EIPR1: variants seen among roughly 807,000 people sequenced by gnomAD.
EIPR1 encodes EARP complex and GARP complex interacting protein 1.
EIPR1 carries 25 observed loss-of-function variants against 48.1 expected under a neutral mutation model. The ratio of observed to expected loss-of-function variants is 0.52; its 90% CI spans 0.38 to 0.73. The LOEUF (loss-of-function observed/expected upper bound fraction) is 0.73. Among genes scored for constraint, EIPR1 ranks in the 30% least tolerant of loss-of-function variants. The pLI, the probability that EIPR1 is intolerant of heterozygous loss-of-function variation, is 0.00. For missense variants in EIPR1, 415 were observed against 506.2 expected, an observed-to-expected ratio of 0.82 and a Z score of 1.73; for synonymous variants, 204 against 201.9, an observed-to-expected ratio of 1.01 and a Z score of -0.09.
chr2:3,194,039 C>A lies in EIPR1; in HGVS notation c.781G>T (p.Val261Phe). ...TCCAGGGTCTTCACGGGTTCGGTGA[C>A]ATTTCGGGTGTCCCAGAACTTCACC... ...CKVKFWDTRN[V>F]TEPVKTLEEH... Residue 261 changes from valine to phenylalanine, a missense_variant, in exon 7 of 9, where the codon GTC becomes TTC. Coordinates refer to ENST00000382125, the MANE Select transcript of EIPR1 (RefSeq NM_003310.5). 1 of 1,613,882 alleles carries A rather than the reference C, an allele frequency of 6.2e-7. No homozygotes were observed. The highest frequency in any genetic ancestry group is 8.5e-7 in the Non-Finnish European group (1 of 1,180,010).
At chr2:3,257,582 G>A in intron 3 of EIPR1, 127 bp from the exon 4 acceptor site, 2 of 1,184,990 alleles carry the variant, frequency 1.7e-6, no homozygotes, top group South Asian at 1.6e-5. Context: ...ATGTACGATT[G>A]CAGGCAGCAA....
At chr2:3,291,490 T>C (rs959997554) in intron 3 of EIPR1, among the ~76,000 whole-genome samples, 2 of 152,204 alleles carry the variant, frequency 1.3e-5, no homozygotes, top group Admixed American at 1.3e-4. Flanking sequence ...AGTTGTTAAA[T>C]ACATTATGAT....
rs530058658 is a variant in EIPR1 at position 3,316,454 on chromosome 2, G to A, written c.259+21563C>T. Among the ~76,000 whole-genome samples, 114 of 152,098 alleles carry A rather than the reference G, an allele frequency of 7.5e-4. 1 individual carries two copies. Among genetic ancestry groups the A allele is most frequent in the African/African-American group, 2.8e-3 (114 of 41,454 alleles). ...AATGCCTGAAATAGACCTTGATTAG[G>A]TACATTTAAGTCCCATACTTCTACA... On this transcript the variant is annotated intron_variant, in intron 3 of 8. Coordinates refer to ENST00000382125, the MANE Select transcript of EIPR1 (RefSeq NM_003310.5).
intron 1 of EIPR1, among the ~76,000 whole-genome samples, chr2:3,369,988 C>G (rs1017618638): frequency 2.6e-5 from 4 of 152,184 alleles, no homozygotes; most frequent in Non-Finnish European, 5.9e-5. Context: ...AGGCACCCCC[C>G]CCGTAGGGGC....
intron 3 of EIPR1, among the ~76,000 whole-genome samples, chr2:3,262,856 A>C (rs531162159): frequency 6.6e-6 from 1 of 152,314 alleles, no homozygotes; most frequent in East Asian, 1.9e-4. Context: ...CATACCCACC[A>C]CGGCACAGGG....
chr2:3,202,228 C>T (rs1049386374), intron 5 of EIPR1, among the ~76,000 whole-genome samples: 2 of 152,246 alleles, frequency 1.3e-5, no homozygotes, highest in Admixed American at 6.5e-5. Flanking sequence ...TGAGCCACCG[C>T]ACCCGGCCTA....
chr2:3,327,462 G>A (rs576454539), intron 3 of EIPR1, among the ~76,000 whole-genome samples: 5 of 152,200 alleles, frequency 3.3e-5, no homozygotes, highest in Non-Finnish European at 7.3e-5. Flanking sequence ...GGGATAACAG[G>A]TGTGAGTCAC....
At chr2:3,274,979 CAAGA>C (rs768995028) in intron 3 of EIPR1, among the ~76,000 whole-genome samples, 2 of 151,422 alleles carry the variant, frequency 1.3e-5, no homozygotes, top group Non-Finnish European at 2.9e-5. Flanking sequence ...TTTATGAGAA[CAAGA>C]AAGGACCAAA....
At chr2:3,295,265 TCC>T (rs1668519796) in intron 3 of EIPR1, among the ~76,000 whole-genome samples, 1 of 62,018 alleles carries the variant, frequency 1.6e-5, no homozygotes, top group Non-Finnish European at 3.1e-5. Context: ...CCGTCCTCTC[TCC>T]ACACACACCC....
chr2:3,195,486 C>A lies in EIPR1; in HGVS notation c.654-1320G>T, dbSNP rs12611478. On this transcript the variant is annotated intron_variant, in intron 6 of 8. Transcript: ENST00000382125. ...TCACATTAGAACTCCCGGCCCTAAA[C>A]CACTTTTAAATCTTCTGGTTTTTAT... Among the ~76,000 whole-genome samples, 158 of 152,336 alleles carry A rather than the reference C, an allele frequency of 1.0e-3. 4 individuals carry two copies. The East Asian group carries it at 0.026, about 25-fold the overall frequency.
At chr2:3,193,447 T>TAC (rs1664682404) in intron 7 of EIPR1, among the ~76,000 whole-genome samples, 1 of 152,244 alleles carries the variant, frequency 6.6e-6, no homozygotes, top group Non-Finnish European at 1.5e-5. Flanking sequence ...ACACACGTTT[T>TAC]ATTTGCATAA....
chr2:3,244,719 C>T (rs1291834383), intron 4 of EIPR1, among the ~76,000 whole-genome samples: 6 of 152,198 alleles, frequency 3.9e-5, no homozygotes, highest in African/African-American at 1.4e-4. Context: ...CGTGGACTTC[C>T]CAACCTCCAG....
chr2:3,196,969 A>C lies in EIPR1; in HGVS notation c.565T>G (p.Ser189Ala). 6.2e-7 allele frequency: 1 copy of C among 1,613,980 alleles called. No homozygotes were observed. Among genetic ancestry groups the C allele is most frequent in the Non-Finnish European group, 8.5e-7 (1 of 1,180,042 alleles). The change falls in exon 6 of 9, where the codon TCA becomes GCA. Residue 189 changes from serine (S) to alanine (A), a missense_variant. By Grantham distance (99) the Ser-to-Ala change is moderately conservative. Coordinates refer to ENST00000382125, the MANE Select transcript of EIPR1 (RefSeq NM_003310.5). Reference protein sequence around the residue: ...LEGKGQLKFTSGRWSPHHNCT... With the variant: ...LEGKGQLKFTAGRWSPHHNCT... ...TTATGATGTGGGCTCCACCGTCCTG[A>C]GGTGAACTTCAGTTGTCCCTTCCCT... is the stretch of plus-strand genomic sequence containing the variant.
intron 2 of EIPR1, among the ~76,000 whole-genome samples, chr2:3,351,606 T>C (rs1257130450): frequency 6.6e-6 from 1 of 152,218 alleles, no homozygotes; most frequent in Non-Finnish European, 1.5e-5. Context: ...CCACAGGCCA[T>C]CTTCATGGTG....
At chr2:3,190,814 C>A (rs1276670279) in intron 8 of EIPR1, among the ~76,000 whole-genome samples, 1 of 152,130 alleles carries the variant, frequency 6.6e-6, no homozygotes, top group Non-Finnish European at 1.5e-5. Flanking sequence ...AAGGTTTGAA[C>A]AGAAAAACAA....
chr2:3,224,767 G>A (rs1434841973), intron 4 of EIPR1, among the ~76,000 whole-genome samples: 1 of 152,250 alleles, frequency 6.6e-6, no homozygotes, highest in Non-Finnish European at 1.5e-5. Flanking sequence ...GCTGAACATC[G>A]GGCTCACCTG....
chr2:3,198,004 G>A lies in EIPR1; in HGVS notation c.517-987C>T, dbSNP rs536859969. On this transcript the variant is annotated intron_variant, in intron 5 of 8. Coordinates refer to ENST00000382125, the MANE Select transcript of EIPR1 (RefSeq NM_003310.5). Reference sequence around the variant, plus strand: ...TATTCAGCATCTCACAAGATTTACCGAGGGGCTTTGCTGGCCAGGGCAGGT... The same window carrying A: ...TATTCAGCATCTCACAAGATTTACCAAGGGGCTTTGCTGGCCAGGGCAGGT... 1.4e-3 allele frequency among the ~76,000 whole-genome samples: 214 copies of A among 152,320 alleles called. 2 individuals are homozygous for A. The highest frequency in any genetic ancestry group is 2.2e-3 in the Non-Finnish European group (147 of 68,028).
At chr2:3,201,834 G>A (rs1665045815) in intron 5 of EIPR1, among the ~76,000 whole-genome samples, 1 of 152,212 alleles carries the variant, frequency 6.6e-6, no homozygotes, top group Non-Finnish European at 1.5e-5. Flanking sequence ...TGATTCGAGT[G>A]TACACATTAT....
chr2:3,237,221 TACACACACACACAC>T (rs35498711), intron 4 of EIPR1, among the ~76,000 whole-genome samples: 72 of 127,842 alleles, frequency 5.6e-4, no homozygotes, highest in African/African-American at 1.1e-3. Flanking sequence ...TTTTGAAAAC[TACACACACACACAC>T]ACACACACAC....
Sources: gnomAD v4.1 joint callset for allele counts (sites outside exome capture counted in the v4.1 genomes callset) on GRCh38, gnomAD v4.1.1 for gene constraint, MANE v1.5 for transcripts, NCBI Gene and HGNC (gene_info 2026-07-23, HGNC 2026-07-21) for gene names.